SP100: variants seen among roughly 807,000 people sequenced by gnomAD.
SP100 encodes SP100 nuclear body protein, also known as nuclear autoantigen Sp-100.
Under a neutral mutation model 130.0 loss-of-function variants are expected in SP100, and 84 were observed. That is an observed-to-expected ratio of 0.65 (90% CI 0.54 to 0.77). The LOEUF is 0.77. SP100 is among the 30% of genes least tolerant of loss of function. SP100 has a pLI of 0.00. For missense variants in SP100, 978 were observed against 1,052.2 expected, an observed-to-expected ratio of 0.93 and a Z score of 0.97; for synonymous variants, 331 against 351.7, an observed-to-expected ratio of 0.94 and a Z score of 0.66.
chr2:230,525,535 A>C (rs1691380284), intron 24 of SP100, among the ~76,000 whole-genome samples: 1 of 152,042 alleles, frequency 6.6e-6, no homozygotes, highest in Non-Finnish European at 1.5e-5. Flanking sequence ...CAACAGAGGT[A>C]CCTGGTTCAT....
intron 6 of SP100, 91 bp from the exon 7 acceptor site, chr2:230,449,470 C>T (rs2063863774): frequency 1.3e-5 from 18 of 1,422,108 alleles, no homozygotes; most frequent in East Asian, 2.3e-5. Flanking sequence ...CTTGACCTTA[C>T]GTCCATCAGT....
At chr2:230,519,504 C>G (rs546495568) in intron 24 of SP100, among the ~76,000 whole-genome samples, 3 of 152,214 alleles carry the variant, frequency 2.0e-5, no homozygotes, top group African/African-American at 7.2e-5. Context: ...TGTATTGTGA[C>G]ATTCCAAAAA....
intron 11 of SP100, 102 bp from the exon 12 acceptor site, chr2:230,466,199 A>AAAAAAAC: frequency 1.7e-6 from 1 of 587,832 alleles, no homozygotes; most frequent in Non-Finnish European, 3.0e-6. Flanking sequence ...AAAAAAAAAA[A>AAAAAAAC]AAAACTTTGT....
chr2:230,539,642 A>T (rs1559540541), intron 25 of SP100, among the ~76,000 whole-genome samples: 1 of 152,140 alleles, frequency 6.6e-6, no homozygotes, highest in Admixed American at 6.6e-5. Flanking sequence ...TACCTCCCCT[A>T]CTTGGCTCCC....
chr2:230,495,073 T>TCTC (rs2066591774), intron 18 of SP100, among the ~76,000 whole-genome samples: 3 of 152,330 alleles, frequency 2.0e-5, no homozygotes, highest in African/African-American at 7.2e-5. Context: ...AGCCTTTTTG[T>TCTC]CACCTGAGAC....
At chr2:230,426,314 A>G (rs1192118371) in intron 2 of SP100, among the ~76,000 whole-genome samples, 1 of 152,040 alleles carries the variant, frequency 6.6e-6, no homozygotes, top group East Asian at 1.9e-4. Flanking sequence ...ATCTTTCTTC[A>G]TCAACTGTAA....
intron 5 of SP100, among the ~76,000 whole-genome samples, chr2:230,447,229 C>T (rs920812003): frequency 4.6e-5 from 7 of 152,076 alleles, no homozygotes; most frequent in African/African-American, 1.2e-4. Flanking sequence ...GCCCGTGGCC[C>T]GTGGTCAACA....
intron 24 of SP100, among the ~76,000 whole-genome samples, chr2:230,524,117 T>A (rs1691299027): frequency 7.1e-6 from 1 of 141,640 alleles, no homozygotes. Flanking sequence ...GTGGATCACC[T>A]GAGGTCAGGA....
chr2:230,474,332 A>AT, intron 16 of SP100, 62 bp from the exon 17 acceptor site: 1 of 861,588 alleles, frequency 1.2e-6, no homozygotes, highest in South Asian at 1.5e-5. Flanking sequence ...GTGAATTGTC[A>AT]TAAGATTTAT....
intron 17 of SP100, among the ~76,000 whole-genome samples, chr2:230,484,897 C>T (rs982688206): frequency 1.3e-5 from 2 of 151,264 alleles, no homozygotes; most frequent in Admixed American, 6.6e-5. Flanking sequence ...CTTTTTTTCC[C>T]ACTGGTTCAT....
Position 230,467,116 on chromosome 2 carries a change from G to T in SP100, c.1196-4G>T. On this transcript the variant is annotated splice_region_variant and splice_polypyrimidine_tract_variant and intron_variant, in intron 12 of 28. Coordinates refer to ENST00000340126, the MANE Select transcript of SP100 (RefSeq NM_001080391.2). ...CTCCAAAGGACATTTGCTCCTTTCT[G>T]CAGTGATAGGACAAGACCACGACTT... is the stretch of plus-strand genomic sequence containing the variant. 6.2e-7 allele frequency: 1 copy of T among 1,607,678 alleles called. No individual in the cohort carries two copies.
rs147527448 is a variant in SP100, at chr2:230,521,207, A to T, written c.2094+10041A>T. On this transcript the variant is annotated intron_variant, in intron 24 of 28. Coordinates refer to ENST00000340126, the MANE Select transcript of SP100 (RefSeq NM_001080391.2). ...AGTCTGCCAAACTTGAAACTTACCCAACTGTCCCATAGAACTGATCTTTAT... is the reference window on the plus strand; with the variant it reads ...AGTCTGCCAAACTTGAAACTTACCCTACTGTCCCATAGAACTGATCTTTAT... 1.4e-3 allele frequency among the ~76,000 whole-genome samples: 206 copies of T among 152,294 alleles called. 1 individual carries two copies. The highest frequency in any genetic ancestry group is 6.8e-4 in the Non-Finnish European group (46 of 68,014).
At chr2:230,508,248 G>T in intron 23 of SP100, 2 of 487,436 alleles carry the variant, frequency 4.1e-6, no homozygotes, top group Non-Finnish European at 6.6e-6. Context: ...ACAATCCTCA[G>T]AAATAGATTA....
intron 17 of SP100, among the ~76,000 whole-genome samples, chr2:230,490,812 C>T (rs899516259): frequency 6.6e-6 from 1 of 152,124 alleles, no homozygotes; most frequent in African/African-American, 2.4e-5. Flanking sequence ...TGAATATTGG[C>T]ACCCAATCTC....
chr2:230,433,638 A>G (rs1432454197), intron 2 of SP100, among the ~76,000 whole-genome samples: 3 of 152,090 alleles, frequency 2.0e-5, no homozygotes, highest in Non-Finnish European at 4.4e-5. Context: ...TGGCATCACT[A>G]TTTTGATCTT....
chr2:230,466,137 A>T (rs2064936156), intron 11 of SP100, among the ~76,000 whole-genome samples, 164 bp from the exon 12 acceptor site: 2 of 133,432 alleles, frequency 1.5e-5, no homozygotes, highest in Non-Finnish European at 3.1e-5. Flanking sequence ...GTGTACCAAG[A>T]TTGCACCACT....
At chr2:230,449,262 A>G in intron 6 of SP100, 112 bp downstream of exon 6, 3 of 1,105,558 alleles carry the variant, frequency 2.7e-6, no homozygotes, top group Non-Finnish European at 4.2e-6. Flanking sequence ...CAGGTTTTAC[A>G]TCTACAGTTT....
intron 16 of SP100, among the ~76,000 whole-genome samples, chr2:230,473,762 C>T (rs1313997652): frequency 7.2e-5 from 11 of 151,972 alleles, no homozygotes; most frequent in Admixed American, 6.6e-4. Context: ...CCATATTTAA[C>T]AGAATGGGCT....
chr2:230,455,254 G>T (rs1433733529), intron 8 of SP100, among the ~76,000 whole-genome samples: 1 of 152,048 alleles, frequency 6.6e-6, no homozygotes, highest in South Asian at 2.1e-4. Flanking sequence ...TATAGAGACA[G>T]GATTGCCTTA....
Sources: allele counts gnomAD v4.1 joint callset (sites outside exome capture counted in the v4.1 genomes callset), GRCh38; gene constraint gnomAD v4.1.1; transcripts MANE v1.5; gene names NCBI Gene and HGNC (gene_info 2026-07-23, HGNC 2026-07-21).